Variants in ZDHHC17 observed in about 807,000 individuals in gnomAD.
The protein encoded by ZDHHC17 is palmitoyltransferase ZDHHC17.
ZDHHC17 carries 40 observed loss-of-function variants against 90.3 expected under a neutral mutation model. That is an observed-to-expected ratio of 0.44 (90% CI 0.34 to 0.58). ZDHHC17 has a LOEUF of 0.58. Ranked by LOEUF, ZDHHC17 falls within the 20% of genes least tolerant of loss-of-function variation. ZDHHC17 has a pLI of 0.01. For missense variants in ZDHHC17, 614 were observed against 780.8 expected, an observed-to-expected ratio of 0.79 and a Z score of 2.55; for synonymous variants, 235 against 252.4, an observed-to-expected ratio of 0.93 and a Z score of 0.65.
chr12:76,822,246 A>G (rs1178689059), intron 7 of ZDHHC17, among the ~76,000 whole-genome samples, 160 bp from the exon 8 acceptor site: 1 of 152,224 alleles, frequency 6.6e-6, no homozygotes, highest in African/African-American at 2.4e-5. Flanking sequence ...GGAAAGCGTA[A>G]TAAGAAACAT....
intron 1 of ZDHHC17, among the ~76,000 whole-genome samples, chr12:76,773,050 A>T (rs1240923520): frequency 6.6e-6 from 1 of 151,762 alleles, no homozygotes. Context: ...TAGAGACGGG[A>T]TTTCACCATG....
chr12:76,837,537 A>ACT (rs1395800335), intron 10 of ZDHHC17, among the ~76,000 whole-genome samples: 3 of 152,170 alleles, frequency 2.0e-5, no homozygotes, highest in African/African-American at 7.2e-5. Flanking sequence ...GTTACCATTG[A>ACT]GATTAAAAAA....
intron 1 of ZDHHC17, among the ~76,000 whole-genome samples, chr12:76,788,684 C>T (rs7309200): frequency 0.92 from 114,973 of 125,266 alleles, 52,835 homozygotes; most frequent in Middle Eastern, 0.94. Flanking sequence ...AAGTTGGAAT[C>T]GCAATTTTTT....
At chr12:76,786,898 T>C (rs1270345307) in intron 1 of ZDHHC17, among the ~76,000 whole-genome samples, 1 of 152,212 alleles carries the variant, frequency 6.6e-6, no homozygotes, top group Non-Finnish European at 1.5e-5. Context: ...CTAAATGTCT[T>C]TACTTATTCT....
At chr12:76,766,052 A>G (rs750253361) in intron 1 of ZDHHC17, among the ~76,000 whole-genome samples, 6 of 152,224 alleles carry the variant, frequency 3.9e-5, no homozygotes, top group Non-Finnish European at 7.3e-5. Context: ...GCTTTGTAAT[A>G]TAGTACTGTT....
intron 1 of ZDHHC17, among the ~76,000 whole-genome samples, chr12:76,779,295 C>T (rs115950811): frequency 0.027 from 4,075 of 152,202 alleles, 192 homozygotes; most frequent in African/African-American, 0.092. Flanking sequence ...TCTGTTCTCA[C>T]GCTGCTAATA....
chr12:76,792,948 CACCAACTG>C (rs1456430430), intron 1 of ZDHHC17, among the ~76,000 whole-genome samples: 2 of 152,158 alleles, frequency 1.3e-5, no homozygotes, highest in African/African-American at 4.8e-5. Flanking sequence ...AGTTAGAAAT[CACCAACTG>C]ACCTCTAACT....
intron 10 of ZDHHC17, among the ~76,000 whole-genome samples, chr12:76,839,285 A>G (rs1438551338): frequency 6.6e-6 from 1 of 152,228 alleles, no homozygotes; most frequent in African/African-American, 2.4e-5. Context: ...ACAGTTTTTC[A>G]TACTGCTAGT....
At chr12:76,794,712 T>A (rs1189730861) in intron 1 of ZDHHC17, among the ~76,000 whole-genome samples, 1 of 152,224 alleles carries the variant, frequency 6.6e-6, no homozygotes, top group African/African-American at 2.4e-5. Flanking sequence ...CAGTAACATT[T>A]TTAAGCTCGC....
At chr12:76,807,286 C>T (rs905049690) in intron 3 of ZDHHC17, among the ~76,000 whole-genome samples, 15 of 152,092 alleles carry the variant, frequency 9.9e-5, no homozygotes, top group African/African-American at 3.1e-4. Context: ...TGACTTTCAG[C>T]GGGAATATAT....
At chr12:76,829,423 T>A in intron 10 of ZDHHC17, among the ~76,000 whole-genome samples, 1 of 118,576 alleles carries the variant, frequency 8.4e-6, no homozygotes. Flanking sequence ...ACCATTGCAC[T>A]CCAGCCTGGG....
chr12:76,813,100 A>C (rs1421543113), intron 5 of ZDHHC17, among the ~76,000 whole-genome samples: 1 of 152,096 alleles, frequency 6.6e-6, no homozygotes, highest in Non-Finnish European at 1.5e-5. Context: ...TGATATTTTT[A>C]ATACTATCAT....
At chr12:76,814,643 CA>C (rs1953062713) in intron 5 of ZDHHC17, among the ~76,000 whole-genome samples, 2 of 151,864 alleles carry the variant, frequency 1.3e-5, no homozygotes, top group African/African-American at 4.8e-5. Context: ...GGAAGTAAGG[CA>C]GGGGGATTGC....
At chr12:76,773,156 C>T (rs1361572078) in intron 1 of ZDHHC17, among the ~76,000 whole-genome samples, 1 of 152,098 alleles carries the variant, frequency 6.6e-6, no homozygotes, top group African/African-American at 2.4e-5. Flanking sequence ...CTGCACCCGG[C>T]GAGGTTCTTA....
chr12:76,823,550 T>A (rs1272928694), intron 8 of ZDHHC17, among the ~76,000 whole-genome samples: 1 of 152,226 alleles, frequency 6.6e-6, no homozygotes, highest in Non-Finnish European at 1.5e-5. Context: ...TCTGCTAACT[T>A]GTCAGTAATC....
At chr12:76,819,631 T>A (rs1395175615) in intron 7 of ZDHHC17, among the ~76,000 whole-genome samples, 1 of 152,214 alleles carries the variant, frequency 6.6e-6, no homozygotes, top group Non-Finnish European at 1.5e-5. Flanking sequence ...ACATATTAGT[T>A]ACTCAGTTCT....
intron 1 of ZDHHC17, among the ~76,000 whole-genome samples, chr12:76,770,791 G>A (rs1031885820): frequency 1.3e-5 from 2 of 152,052 alleles, no homozygotes; most frequent in African/African-American, 2.4e-5. Context: ...TAAAAAATTA[G>A]CCGGGCATGG....
chr12:76,800,885 CTTTTTTTTTT>C (rs71085458), intron 2 of ZDHHC17, among the ~76,000 whole-genome samples: 13 of 108,086 alleles, frequency 1.2e-4, no homozygotes, highest in African/African-American at 4.5e-4. Context: ...TTTGCCATTT[CTTTTTTTTTT>C]TTTTTTTTTT....
At position 76,846,340 on chromosome 12, in the gene ZDHHC17, G is replaced by A. The variant is rs140336482; in HGVS notation, c.1424-256G>A. On this transcript the variant is annotated intron_variant, in intron 13 of 16. Coordinates refer to ENST00000426126, the MANE Select transcript of ZDHHC17 (RefSeq NM_015336.4). ...AAACCTCACAAAGAATAGGATTAGAGGTCAGAATTGTGATTTATTTAGTTC... is the reference window on the plus strand; with the variant it reads ...AAACCTCACAAAGAATAGGATTAGAAGTCAGAATTGTGATTTATTTAGTTC... 3.7e-4 allele frequency: 157 copies of A among 428,144 alleles called. No homozygotes were observed. In the East Asian group the frequency reaches 4.6e-3, roughly 13 times the overall value. 26.5% of individuals were successfully genotyped at this position (428,144 alleles called of 1,614,324 possible). A position where few individuals can be genotyped will look rare whatever the true frequency, so the allele number is the denominator to read the frequency against.
Sources: allele counts gnomAD v4.1 joint callset (sites outside exome capture counted in the v4.1 genomes callset), GRCh38; gene constraint gnomAD v4.1.1; transcripts MANE v1.5; gene names NCBI Gene and HGNC (gene_info 2026-07-23, HGNC 2026-07-21).